Variants in PRUNE2 observed in about 807,000 individuals in gnomAD.
The protein encoded by PRUNE2 is prune homolog 2 with BCH domain.
Under a neutral mutation model 252.0 loss-of-function variants are expected in PRUNE2, and 164 were observed. The ratio of observed to expected loss-of-function variants is 0.65; its 90% CI spans 0.57 to 0.74. PRUNE2 has a LOEUF of 0.74. Ranked by LOEUF, PRUNE2 falls within the 30% of genes least tolerant of loss-of-function variation. PRUNE2 has a pLI of 0.00. For missense variants in PRUNE2, 3,495 were observed against 3,711.0 expected, an observed-to-expected ratio of 0.94 and a Z score of 1.51; for synonymous variants, 1,292 against 1,350.2, an observed-to-expected ratio of 0.96 and a Z score of 0.94.
chr9:76,756,372 A>T (rs577534740), intron 6 of PRUNE2, among the ~76,000 whole-genome samples: 4 of 152,356 alleles, frequency 2.6e-5, no homozygotes, highest in Admixed American at 6.5e-5. Flanking sequence ...GGCCTAAACC[A>T]GTCCCTGGCA....
chr9:76,648,278 C>T lies in PRUNE2; in HGVS notation c.8558-3369G>A, dbSNP rs115202321. Among the ~76,000 whole-genome samples, 585 of 152,244 alleles carry T rather than the reference C, an allele frequency of 3.8e-3. 5 individuals are homozygous for T. The highest frequency in any genetic ancestry group is 0.013 in the African/African-American group (555 of 41,546). The stretch of plus-strand genomic sequence containing the variant: ...TTTGGCAGTTTCTTACAAAATTAAG[C>T]ATACTCTTACCTTACAATCTAGCCA... On this transcript the variant is annotated intron_variant, in intron 11 of 18. Coordinates refer to ENST00000376718, the MANE Select transcript of PRUNE2 (RefSeq NM_015225.3).
At chr9:76,729,664 T>C (rs1248547740) in intron 6 of PRUNE2, among the ~76,000 whole-genome samples, 4 of 152,106 alleles carry the variant, frequency 2.6e-5, no homozygotes, top group Non-Finnish European at 5.9e-5. Flanking sequence ...TGTTTTATTA[T>C]AAAATAAAAT....
intron 15 of PRUNE2, among the ~76,000 whole-genome samples, chr9:76,636,147 A>G (rs1839974009): frequency 6.6e-6 from 1 of 152,160 alleles, no homozygotes; most frequent in Non-Finnish European, 1.5e-5. Context: ...TATTCTCTAC[A>G]TAATAGCATA....
chr9:76,864,478 T>C (rs1589655832), intron 1 of PRUNE2, among the ~76,000 whole-genome samples: 1 of 151,954 alleles, frequency 6.6e-6, no homozygotes, highest in African/African-American at 2.4e-5. Flanking sequence ...TATAAATAAA[T>C]AAACAAATAA....
intron 6 of PRUNE2, among the ~76,000 whole-genome samples, chr9:76,809,471 G>A (rs1304245460): frequency 6.6e-6 from 1 of 152,226 alleles, no homozygotes; most frequent in African/African-American, 2.4e-5. Flanking sequence ...GCTGAGGTGG[G>A]TGGATCATGA....
At chr9:76,744,238 G>C (rs781252279) in intron 6 of PRUNE2, among the ~76,000 whole-genome samples, 1 of 152,194 alleles carries the variant, frequency 6.6e-6, no homozygotes, top group South Asian at 2.1e-4. Context: ...ACTCTTGTAA[G>C]ATTTAAATTA....
At chr9:76,721,575 A>C (rs1319401772) in intron 6 of PRUNE2, among the ~76,000 whole-genome samples, 4 of 152,190 alleles carry the variant, frequency 2.6e-5, no homozygotes, top group Non-Finnish European at 5.9e-5. Context: ...TGTCACTTGT[A>C]GTAAAATGCT....
At chr9:76,686,777 T>A (rs619874) in intron 9 of PRUNE2, among the ~76,000 whole-genome samples, 2 of 152,162 alleles carry the variant, frequency 1.3e-5, no homozygotes, top group Middle Eastern at 3.4e-3. Flanking sequence ...AAAAGTTTTT[T>A]GGTAGAGATG....
chr9:76,635,409 G>A (rs1044679517), intron 15 of PRUNE2, among the ~76,000 whole-genome samples: 23 of 151,968 alleles, frequency 1.5e-4, no homozygotes, highest in Non-Finnish European at 2.1e-4. Context: ...AATTAATTTC[G>A]TCTAAAAATT....
In PRUNE2 at chr9:76,710,983, C is replaced by T; in HGVS notation, c.1291G>A (p.Ala431Thr). ...VDLVSPDSGL[A>T]TIRSSRSSKE... is the part of the protein sequence containing the mutation. ...GATGAGCGGCTGCTCCTAATGGTAG[C>T]CAGTCCGCTGTCTGGGCTAACAAGG... The change falls in exon 8 of 19, where the codon GCT (alanine) becomes ACT (threonine). Residue 431 changes from alanine to threonine, a missense_variant. Physicochemically the swap from Ala to Thr is moderately conservative, Grantham distance 58. Transcript: ENST00000376718. 5 of 1,610,026 alleles carry T rather than the reference C, an allele frequency of 3.1e-6. No homozygotes were observed. Among genetic ancestry groups the T allele is most frequent in the Non-Finnish European group, 4.2e-6 (5 of 1,177,800 alleles).
chr9:76,685,536 C>T (rs1481294125), intron 9 of PRUNE2, among the ~76,000 whole-genome samples: 1 of 152,056 alleles, frequency 6.6e-6, no homozygotes, highest in African/African-American at 2.4e-5. Flanking sequence ...TGAGGTCATT[C>T]GGGTGGGCCA....
intron 6 of PRUNE2, among the ~76,000 whole-genome samples, chr9:76,769,589 C>T (rs1440963189): frequency 6.6e-6 from 1 of 152,144 alleles, no homozygotes; most frequent in Non-Finnish European, 1.5e-5. Flanking sequence ...CCATGTCCGG[C>T]TAATTTTCTA....
intron 15 of PRUNE2, among the ~76,000 whole-genome samples, chr9:76,630,631 TCTC>T (rs1837179568): frequency 6.6e-6 from 1 of 152,188 alleles, no homozygotes; most frequent in East Asian, 1.9e-4. Context: ...TTCACGCTAT[TCTC>T]CTGCCTCAGC....
intron 1 of PRUNE2, among the ~76,000 whole-genome samples, chr9:76,893,354 G>A (rs756624968): frequency 6.6e-6 from 1 of 152,180 alleles, no homozygotes; most frequent in Non-Finnish European, 1.5e-5. Context: ...GTTACACAAC[G>A]AGAAATCGTA....
rs968996750 is a variant in PRUNE2, at chr9:76,713,614, C to G, written c.864G>C (p.Gln288His). 1 of 1,606,604 alleles carries G rather than the reference C, an allele frequency of 6.2e-7. No homozygotes were observed. Among genetic ancestry groups the G allele is most frequent in the Non-Finnish European group, 8.5e-7 (1 of 1,176,586 alleles). Reference sequence around the variant, plus strand: ...AGTACACAGCAATCTGTCGTCTCGGCTGCTGCTCCTCTGACAGATAGCTGG... The same window carrying G: ...AGTACACAGCAATCTGTCGTCTCGGGTGCTGCTCCTCTGACAGATAGCTGG... Reference protein sequence around the residue: ...LFSSYLSEEQQPRRQIAVYSE... With the variant: ...LFSSYLSEEQHPRRQIAVYSE... The change falls in exon 7 of 19, where the codon CAG becomes CAC. Residue 288 changes from glutamine to histidine, a missense_variant. Gln to His is a conservative substitution (Grantham distance 24, BLOSUM62 0). Transcript: ENST00000376718.
intron 15 of PRUNE2, 124 bp from the exon 16 acceptor site, chr9:76,629,414 T>C: frequency 1.8e-6 from 1 of 546,324 alleles, no homozygotes; most frequent in Non-Finnish European, 3.2e-6. Flanking sequence ...ACTAAGAGGC[T>C]AACATTATTT....
At chr9:76,796,256 G>A (rs1294770490) in intron 6 of PRUNE2, among the ~76,000 whole-genome samples, 2 of 151,886 alleles carry the variant, frequency 1.3e-5, no homozygotes, top group African/African-American at 4.9e-5. Flanking sequence ...ACTGTAGAAG[G>A]GACCACGCAA....
intron 1 of PRUNE2, among the ~76,000 whole-genome samples, chr9:76,861,396 A>T (rs536733749): frequency 4.6e-5 from 7 of 152,292 alleles, no homozygotes; most frequent in African/African-American, 7.2e-5. Context: ...AGAAATTTAA[A>T]ATCTGTTATT....
At chr9:76,805,078 C>T (rs753902605) in intron 6 of PRUNE2, among the ~76,000 whole-genome samples, 2 of 152,192 alleles carry the variant, frequency 1.3e-5, no homozygotes. Context: ...GTCTCAGCCC[C>T]CAAAGTTCTC....
Sources: allele counts gnomAD v4.1 joint callset (sites outside exome capture counted in the v4.1 genomes callset), GRCh38; gene constraint gnomAD v4.1.1; transcripts MANE v1.5; gene names NCBI Gene and HGNC (gene_info 2026-07-23, HGNC 2026-07-21).